Variants in PTPRM observed in about 807,000 individuals in gnomAD.
The protein encoded by PTPRM is receptor-type tyrosine-protein phosphatase mu.
PTPRM carries 47 observed loss-of-function variants against 186.7 expected under a neutral mutation model. The ratio of observed to expected loss-of-function variants is 0.25; its 90% CI spans 0.20 to 0.32. PTPRM has a LOEUF of 0.32. Ranked by LOEUF, PTPRM falls within the 10% of genes least tolerant of loss-of-function variation. The pLI is 1.00. For synonymous variants in PTPRM, 668 were observed against 674.9 expected (o/e 0.99, Z 0.16); for missense variants, 1,494 against 1,865.0 (o/e 0.80, Z 3.66).
At chr18:8,082,119 A>G (rs2090160457) in intron 9 of PTPRM, among the ~76,000 whole-genome samples, 1 of 152,112 alleles carries the variant, frequency 6.6e-6, no homozygotes, top group Non-Finnish European at 1.5e-5. Flanking sequence ...CGCTCTCCCC[A>G]GGAGTAGTTT....
intron 3 of PTPRM, among the ~76,000 whole-genome samples, chr18:7,899,917 A>G (rs1021794585): frequency 4.6e-5 from 7 of 152,228 alleles, no homozygotes; most frequent in African/African-American, 1.7e-4. Flanking sequence ...GTGGGTATTT[A>G]GAAAACCACA....
Position 8,314,808 on chromosome 18 carries a change from C to A in PTPRM, c.2870C>A (p.Thr957Lys). The stretch of plus-strand genomic sequence containing the variant: ...GATCATTCCCGAGTGAGGCTGCAGA[C>A]AATAGAAGGAGACACAAACTCAGAC... ...AYDHSRVRLQ[T>K]IEGDTNSDYI... is the part of the protein sequence containing the mutation. Residue 957 changes from threonine to lysine, a missense_variant, in exon 21 of 33, where the codon ACA (threonine) becomes AAA (lysine). Physicochemically the swap from Thr to Lys is moderately conservative, Grantham distance 78. This residue lies in a region of PTPRM where 1,107 missense variants were observed against 1,350.2 expected (regional missense o/e 0.82). Transcript: ENST00000580170. 1.2e-6 allele frequency: 2 copies of A among 1,612,000 alleles called. No homozygotes were observed. The highest frequency in any genetic ancestry group is 8.5e-7 in the Non-Finnish European group (1 of 1,178,568).
intron 22 of PTPRM, among the ~76,000 whole-genome samples, chr18:8,335,080 GT>G (rs1327878251): frequency 6.6e-6 from 1 of 152,238 alleles, no homozygotes; most frequent in South Asian, 2.1e-4. Context: ...CCTTAGTCAT[GT>G]TTTTTAGTAT....
At chr18:7,681,399 C>G (rs1255605156) in intron 1 of PTPRM, among the ~76,000 whole-genome samples, 1 of 151,950 alleles carries the variant, frequency 6.6e-6, no homozygotes, top group African/African-American at 2.4e-5. Flanking sequence ...AGCACTTTTT[C>G]TTAATGAGCA....
intron 1 of PTPRM, among the ~76,000 whole-genome samples, chr18:7,647,365 T>C (rs532326911): frequency 2.6e-5 from 4 of 152,330 alleles, no homozygotes; most frequent in African/African-American, 9.6e-5. Context: ...CTCTCACTAA[T>C]ATATTTCTGG....
intron 13 of PTPRM, among the ~76,000 whole-genome samples, chr18:8,120,492 CTTT>C (rs199835832): frequency 7.3e-6 from 1 of 136,582 alleles, no homozygotes. Context: ...TTCTTTCTTT[CTTT>C]TTTTTTTTTT....
intron 1 of PTPRM, among the ~76,000 whole-genome samples, chr18:7,687,905 A>G (rs2039642390): frequency 1.3e-5 from 2 of 151,720 alleles, no homozygotes; most frequent in Non-Finnish European, 2.9e-5. Context: ...AGCCTCCCGA[A>G]TAGCCAGGAC....
intron 1 of PTPRM, among the ~76,000 whole-genome samples, chr18:7,658,740 G>A (rs1354211708): frequency 3.9e-5 from 6 of 152,300 alleles, no homozygotes; most frequent in South Asian, 4.1e-4. Context: ...ACATGAGAAT[G>A]TGCTGTTTTT....
intron 2 of PTPRM, among the ~76,000 whole-genome samples, chr18:7,852,270 A>G (rs939363634): frequency 6.6e-6 from 1 of 152,176 alleles, no homozygotes; most frequent in Non-Finnish European, 1.5e-5. Flanking sequence ...GAAGATATAG[A>G]AAGGATGCAA....
At chr18:7,644,254 T>C (rs1289427074) in intron 1 of PTPRM, among the ~76,000 whole-genome samples, 1 of 152,220 alleles carries the variant, frequency 6.6e-6, no homozygotes, top group South Asian at 2.1e-4. Context: ...TGTTAGATAC[T>C]ATATTACCTT....
chr18:7,917,650 CCAT>C (rs1275994868), intron 4 of PTPRM, among the ~76,000 whole-genome samples: 1 of 152,104 alleles, frequency 6.6e-6, no homozygotes, highest in Admixed American at 6.5e-5. Flanking sequence ...ACTGGGATAT[CCAT>C]CACCTTAACT....
chr18:8,229,034 T>G (rs1159829502), intron 14 of PTPRM, among the ~76,000 whole-genome samples: 3 of 152,118 alleles, frequency 2.0e-5, no homozygotes, highest in African/African-American at 7.2e-5. Flanking sequence ...TTCAGGATCA[T>G]TAGACATGCA....
chr18:7,973,723 G>A (rs1463696552), intron 7 of PTPRM, among the ~76,000 whole-genome samples: 2 of 151,802 alleles, frequency 1.3e-5, no homozygotes, highest in Non-Finnish European at 2.9e-5. Flanking sequence ...ATCTTTTAGG[G>A]CTACCCATAC....
chr18:8,039,416 A>C (rs912650896), intron 7 of PTPRM, among the ~76,000 whole-genome samples: 1 of 152,170 alleles, frequency 6.6e-6, no homozygotes, highest in African/African-American at 2.4e-5. Flanking sequence ...AAAATACTTA[A>C]GTATACCAGT....
chr18:8,020,326 T>C (rs903414939), intron 7 of PTPRM, among the ~76,000 whole-genome samples: 5 of 152,132 alleles, frequency 3.3e-5, no homozygotes, highest in Admixed American at 6.6e-5. Flanking sequence ...CAGGTCAGTA[T>C]GGGTAAAGAA....
intron 7 of PTPRM, among the ~76,000 whole-genome samples, chr18:8,048,046 C>CATCT (rs1359084645): frequency 6.6e-6 from 1 of 152,148 alleles, no homozygotes; most frequent in Non-Finnish European, 1.5e-5. Context: ...CAATGAAAAA[C>CATCT]ATCTACATTG....
At chr18:7,773,543 TCTTA>T (rs1047863699) in intron 1 of PTPRM, among the ~76,000 whole-genome samples, 34 of 151,130 alleles carry the variant, frequency 2.2e-4, no homozygotes, top group South Asian at 1.5e-3. Flanking sequence ...TTTGCTTAGG[TCTTA>T]CTTTCTTTTT....
chr18:8,237,584 G>C (rs2094361379), intron 14 of PTPRM, among the ~76,000 whole-genome samples: 1 of 151,824 alleles, frequency 6.6e-6, no homozygotes, highest in South Asian at 2.1e-4. Context: ...GAGTAGCTGA[G>C]ATTACAAGCA....
chr18:7,621,494 A>G (rs1031036375), intron 1 of PTPRM, among the ~76,000 whole-genome samples: 4 of 152,130 alleles, frequency 2.6e-5, no homozygotes, highest in African/African-American at 9.7e-5. Flanking sequence ...CACAGTTTAC[A>G]TTAGTGGGCC....
Sources: gnomAD v4.1 joint callset for allele counts (sites outside exome capture counted in the v4.1 genomes callset) on GRCh38, gnomAD v4.1.1 for gene constraint, gnomAD v4.1.1 regional missense constraint, MANE v1.5 for transcripts, NCBI Gene and HGNC (gene_info 2026-07-23, HGNC 2026-07-21) for gene names.